Variants in EYS observed in about 807,000 individuals in gnomAD.
The protein encoded by EYS is EGF-like photoreceptor maintenance factor.
Under a neutral mutation model 282.1 loss-of-function variants are expected in EYS, and 250 were observed. The ratio of observed to expected loss-of-function variants is 0.89; its 90% CI spans 0.80 to 0.98. The LOEUF (loss-of-function observed/expected upper bound fraction) is 0.98, where lower values mean the gene tolerates loss of function less well. Ranked by LOEUF, EYS falls within the 50% of genes least tolerant of loss-of-function variation. The pLI is 0.00. For synonymous variants in EYS, 1,355 were observed against 1,282.9 expected (o/e 1.06, Z -1.20); for missense variants, 4,016 against 3,709.0 (o/e 1.08, Z -2.15).
intron 2 of EYS, among the ~76,000 whole-genome samples, chr6:65,544,445 C>T (rs1768307242): frequency 6.6e-6 from 1 of 152,030 alleles, no homozygotes; most frequent in Non-Finnish European, 1.5e-5. Flanking sequence ...GTTCCAGTTT[C>T]CCCCATCTGT....
chr6:64,124,143 G>A (rs1218854747), intron 31 of EYS, among the ~76,000 whole-genome samples: 1 of 152,186 alleles, frequency 6.6e-6, no homozygotes, highest in East Asian at 1.9e-4. Flanking sequence ...GATTCTTGTA[G>A]TGTCTTATTT....
At chr6:64,792,347 A>C (rs950732296) in intron 22 of EYS, among the ~76,000 whole-genome samples, 2 of 151,964 alleles carry the variant, frequency 1.3e-5, no homozygotes, top group African/African-American at 4.8e-5. Flanking sequence ...AATAATCAGG[A>C]AATATTTTTT....
intron 35 of EYS, among the ~76,000 whole-genome samples, chr6:63,910,908 A>T (rs773241049): frequency 5.3e-5 from 8 of 152,184 alleles, no homozygotes; most frequent in Non-Finnish European, 1.2e-4. Flanking sequence ...GTTGTTAATT[A>T]CTCAGCATTA....
intron 12 of EYS, among the ~76,000 whole-genome samples, chr6:65,112,941 A>G (rs1030517006): frequency 6.6e-6 from 1 of 152,098 alleles, no homozygotes; most frequent in Non-Finnish European, 1.5e-5. Flanking sequence ...TCATTATACC[A>G]TTTTACTGAA....
At chr6:64,852,660 C>T (rs1332329511) in intron 19 of EYS, among the ~76,000 whole-genome samples, 1 of 152,030 alleles carries the variant, frequency 6.6e-6, no homozygotes, top group Non-Finnish European at 1.5e-5. Context: ...CTCATAAGTC[C>T]ATTGACTGAT....
chr6:64,786,183 TCTA>T (rs71720216), intron 22 of EYS, among the ~76,000 whole-genome samples: 60,393 of 144,574 alleles, frequency 0.42, 14,865 homozygotes, highest in Admixed American at 0.59. Context: ...CTTTACTGGT[TCTA>T]CATTTTTTTT....
At chr6:65,172,520 G>A (rs1259723320) in intron 12 of EYS, among the ~76,000 whole-genome samples, 1 of 151,212 alleles carries the variant, frequency 6.6e-6, no homozygotes, top group Non-Finnish European at 1.5e-5. Flanking sequence ...TTAATTTATT[G>A]AATATAGATG....
intron 41 of EYS, among the ~76,000 whole-genome samples, chr6:63,730,378 C>A (rs1162157321): frequency 6.6e-6 from 1 of 152,190 alleles, no homozygotes; most frequent in Non-Finnish European, 1.5e-5. Context: ...CCTCTTTAAA[C>A]CCTTCAGGGA....
At chr6:64,141,334 A>G (rs1232259803) in intron 31 of EYS, among the ~76,000 whole-genome samples, 1 of 152,238 alleles carries the variant, frequency 6.6e-6, no homozygotes, top group Non-Finnish European at 1.5e-5. Context: ...TGGCAGGAAT[A>G]AAGTGATATT....
chr6:65,519,527 A>G (rs1039653638), intron 2 of EYS, among the ~76,000 whole-genome samples: 2 of 149,406 alleles, frequency 1.3e-5, no homozygotes, highest in African/African-American at 4.9e-5. Context: ...GGTTAATATA[A>G]CTTAATAATA....
intron 30 of EYS, among the ~76,000 whole-genome samples, chr6:64,245,943 C>T (rs965867971): frequency 9.2e-5 from 13 of 141,382 alleles, no homozygotes; most frequent in Admixed American, 7.0e-4. Flanking sequence ...GGCGTGAACC[C>T]GGGAGGCGGA....
At chr6:64,951,917 C>T (rs1478225105) in intron 14 of EYS, among the ~76,000 whole-genome samples, 1 of 151,884 alleles carries the variant, frequency 6.6e-6, no homozygotes, top group Non-Finnish European at 1.5e-5. Context: ...TGAAAAATTG[C>T]TGCCTGAGAA....
intron 31 of EYS, among the ~76,000 whole-genome samples, chr6:64,212,091 GGGTAACA>G (rs1765797901): frequency 6.6e-6 from 1 of 151,898 alleles, no homozygotes; most frequent in Non-Finnish European, 1.5e-5. Context: ...ACTCTAGCCT[GGGTAACA>G]GATTGGGACT....
chr6:65,539,060 A>G (rs2127318624), intron 2 of EYS, among the ~76,000 whole-genome samples: 1 of 152,346 alleles, frequency 6.6e-6, no homozygotes, highest in East Asian at 1.9e-4. Context: ...TCTCCATTGT[A>G]TTTAAAGTGT....
chr6:65,189,049 A>G (rs1301501613), intron 12 of EYS, among the ~76,000 whole-genome samples: 1 of 151,690 alleles, frequency 6.6e-6, no homozygotes, highest in Non-Finnish European at 1.5e-5. Flanking sequence ...TATCTTAATT[A>G]TATAGTTACA....
At chr6:65,461,829 C>T (rs911882349) in intron 5 of EYS, among the ~76,000 whole-genome samples, 2 of 152,068 alleles carry the variant, frequency 1.3e-5, no homozygotes, top group Non-Finnish European at 1.5e-5. Context: ...GACTCTCATA[C>T]TTTACTGATA....
intron 22 of EYS, among the ~76,000 whole-genome samples, chr6:64,635,544 A>AT (rs1211045484): frequency 6.6e-6 from 1 of 152,144 alleles, no homozygotes; most frequent in Non-Finnish European, 1.5e-5. Context: ...TAGTTGTTGA[A>AT]TTTTGTCAAA....
intron 22 of EYS, among the ~76,000 whole-genome samples, chr6:64,738,359 G>T (rs1468687795): frequency 6.6e-6 from 1 of 152,158 alleles, no homozygotes. Context: ...TGACAGGTCT[G>T]TTCTTCCTTC....
intron 22 of EYS, among the ~76,000 whole-genome samples, chr6:64,781,337 C>T (rs911121781): frequency 1.3e-5 from 2 of 152,044 alleles, no homozygotes; most frequent in Admixed American, 6.6e-5. Context: ...AAAAATTCGT[C>T]AGTAATTCTA....
Sources: gnomAD v4.1 joint callset for allele counts (sites outside exome capture counted in the v4.1 genomes callset) on GRCh38, gnomAD v4.1.1 for gene constraint, MANE v1.5 for transcripts, NCBI Gene and HGNC (gene_info 2026-07-23, HGNC 2026-07-21) for gene names.